CFAP206: variants seen among roughly 807,000 people sequenced by gnomAD.
CFAP206 encodes the protein cilia- and flagella-associated protein 206.
A neutral mutation model predicts 65.4 loss-of-function variants in CFAP206; 53 were observed. The observed-to-expected ratio is 0.81, with a 90% CI of 0.65 to 1.02. The LOEUF (loss-of-function observed/expected upper bound fraction) is 1.02, where lower values mean the gene tolerates loss of function less well. Ranked by LOEUF, CFAP206 falls within the 50% of genes least tolerant of loss-of-function variation. The probability of loss-of-function intolerance (pLI) is 0.00; values close to 1 mark genes in which losing one functional copy is unlikely to be tolerated. For synonymous variants in CFAP206, 250 were observed against 254.4 expected (o/e 0.98, Z 0.17); for missense variants, 663 against 753.2 (o/e 0.88, Z 1.40).
At chr6:87,431,940 A>G (rs547026596) in intron 10 of CFAP206, among the ~76,000 whole-genome samples, 2 of 152,304 alleles carry the variant, frequency 1.3e-5, no homozygotes, top group African/African-American at 2.4e-5. Flanking sequence ...GGAAATGGCT[A>G]ATATCAAGTA....
intron 11 of CFAP206, among the ~76,000 whole-genome samples, chr6:87,440,728 T>A (rs1463368820): frequency 6.6e-6 from 1 of 152,180 alleles, no homozygotes; most frequent in East Asian, 1.9e-4. Flanking sequence ...GTAAATTAGA[T>A]GTAAAATTCT....
At chr6:87,418,441 C>T (rs1460055246) in intron 7 of CFAP206, 25 bp downstream of exon 7, 4 of 1,590,122 alleles carry the variant, frequency 2.5e-6, no homozygotes, top group Non-Finnish European at 3.5e-6. Context: ...TAAGACCTGA[C>T]CTTTTCTATA....
chr6:87,450,475 ATG>A (rs55870560), intron 11 of CFAP206, among the ~76,000 whole-genome samples: 20,063 of 130,150 alleles, frequency 0.15, 1,488 homozygotes, highest in African/African-American at 0.18. Context: ...ATAAATGAAA[ATG>A]TGTGTGTGTG....
At position 87,428,818 on chromosome 6, in the gene CFAP206, C is replaced by A. The variant is rs1768103345; in HGVS notation, c.1153C>A (p.His385Asn). The change falls in exon 9 of 13, where the codon CAC (histidine) becomes AAC (asparagine). Residue 385 changes from histidine (H) to asparagine (N), a missense_variant. Coordinates refer to ENST00000369562, the MANE Select transcript of CFAP206 (RefSeq NM_001031743.3). Reference sequence around the variant, plus strand: ...AACTGATGTGTGTAGAATGAAAGAACACATGGGTAATGAAAATCATCCATT... The same window carrying A: ...AACTGATGTGTGTAGAATGAAAGAAAACATGGGTAATGAAAATCATCCATT... ...VKTDVCRMKEHMEDRVNVADF... is the reference protein window; with the variant it reads ...VKTDVCRMKENMEDRVNVADF... 1 of 1,613,002 alleles carries A rather than the reference C, an allele frequency of 6.2e-7. No homozygotes were observed. The highest frequency in any genetic ancestry group is 2.2e-5 in the East Asian group (1 of 44,854).
At chr6:87,454,879 A>T (rs1260871537) in intron 11 of CFAP206, among the ~76,000 whole-genome samples, 2 of 149,734 alleles carry the variant, frequency 1.3e-5, no homozygotes, top group African/African-American at 2.4e-5. Flanking sequence ...ACAACAAAAA[A>T]CCCTAAAAAT....
At chr6:87,443,597 TTGTA>T (rs1768389636) in intron 11 of CFAP206, among the ~76,000 whole-genome samples, 1 of 152,160 alleles carries the variant, frequency 6.6e-6, no homozygotes, top group Non-Finnish European at 1.5e-5. Context: ...ACTATGAGAG[TTGTA>T]TGTCACATAA....
chr6:87,427,982 C>CT (rs10693817), intron 8 of CFAP206, among the ~76,000 whole-genome samples: 18,763 of 93,998 alleles, frequency 0.2, 2,501 homozygotes, highest in African/African-American at 0.24. Context: ...CTCCACCCTC[C>CT]TTTTTTTTTT....
rs577203177 is a variant in CFAP206, at chr6:87,409,648, C to T, written c.-5-187C>T. Among the ~76,000 whole-genome samples, 4 of 151,442 alleles carry T rather than the reference C, an allele frequency of 2.6e-5. No homozygotes were observed. In the South Asian group the frequency reaches 8.3e-4, roughly 31 times the overall value. On this transcript the variant is annotated intron_variant, in intron 1 of 12. Coordinates refer to ENST00000369562, the MANE Select transcript of CFAP206 (RefSeq NM_001031743.3). ...TGAAATCCCAATCGTTGTCTGTCTTCAATAAAGTCCTTCATTTTTAAAAAT... is the reference window on the plus strand; with the variant it reads ...TGAAATCCCAATCGTTGTCTGTCTTTAATAAAGTCCTTCATTTTTAAAAAT...
Position 87,428,644 on chromosome 6 carries a change from T to C in CFAP206, c.979T>C (p.Ser327Pro), listed in dbSNP as rs1356392450. 6.2e-7 allele frequency: 1 copy of C among 1,614,046 alleles called. No individual in the cohort carries two copies. The highest frequency in any genetic ancestry group is 8.5e-7 in the Non-Finnish European group (1 of 1,180,032). The change falls in exon 9 of 13, where the codon TCT (serine) becomes CCT (proline). Residue 327 changes from serine to proline, a missense_variant. By Grantham distance (74) the Ser-to-Pro change is moderately conservative. Transcript: ENST00000369562. ...TCCTCAGCCTATCTTCATTGCACTT[T>C]CTACTCTGTGGACCAGCTTGCAAGA... ...SQVFPIFIAL[S>P]TLWTSLQDET... is the part of the protein sequence containing the mutation.
At chr6:87,454,837 T>G (rs1768606966) in intron 11 of CFAP206, among the ~76,000 whole-genome samples, 1 of 125,628 alleles carries the variant, frequency 8.0e-6, no homozygotes, top group South Asian at 2.9e-4. Context: ...AGAGTGAGAC[T>G]CTGTCTCAAA....
At chr6:87,434,221 G>A (rs1274330357) in intron 10 of CFAP206, among the ~76,000 whole-genome samples, 1 of 152,134 alleles carries the variant, frequency 6.6e-6, no homozygotes, top group Non-Finnish European at 1.5e-5. Flanking sequence ...GGGTGATGTG[G>A]TGAAACCCCA....
chr6:87,434,920 A>G lies in CFAP206; in HGVS notation c.1361A>G (p.Asp454Gly). 2.0e-6 allele frequency: 3 copies of G among 1,535,980 alleles called. No homozygotes were observed. The highest frequency in any genetic ancestry group is 2.3e-5 in the East Asian group (1 of 44,324). The part of the protein sequence containing the change: ...KEKYYTFNSK[D>G]AAYSFAENPE... Reference sequence around the variant, plus strand: ...AAATATTACACATTCAATAGTAAAGATGCTGCATATTCATTTGCAGAAAAT... The same window carrying G: ...AAATATTACACATTCAATAGTAAAGGTGCTGCATATTCATTTGCAGAAAAT... The change falls in exon 11 of 13, where the codon GAT becomes GGT. Residue 454 changes from aspartate (D) to glycine (G), a missense_variant. By Grantham distance (94) the Asp-to-Gly change is moderately conservative. Coordinates refer to ENST00000369562, the MANE Select transcript of CFAP206 (RefSeq NM_001031743.3).
Position 87,435,039 on chromosome 6 carries a change from A to G in CFAP206, c.1480A>G (p.Ile494Val). Reference sequence around the variant, plus strand: ...ACTTCATCAACAGTTTGAAACATTTATTCCATATTCTCAGGTAAGCAGGGT... The same window carrying G: ...ACTTCATCAACAGTTTGAAACATTTGTTCCATATTCTCAGGTAAGCAGGGT... Reference protein sequence around the residue: ...LELHQQFETFIPYSQMRDADK... With the variant: ...LELHQQFETFVPYSQMRDADK... Residue 494 changes from isoleucine to valine, a missense_variant, in exon 11 of 13, where the codon ATT (isoleucine) becomes GTT (valine). Physicochemically the swap from Ile to Val is conservative, Grantham distance 29. Coordinates refer to ENST00000369562, the MANE Select transcript of CFAP206 (RefSeq NM_001031743.3). The G allele has an allele frequency of 6.3e-7, 1 of 1,593,120 alleles. No individual in the cohort carries two copies. The highest frequency in any genetic ancestry group is 8.5e-7 in the Non-Finnish European group (1 of 1,169,606).
In CFAP206 at chr6:87,457,332, G is replaced by A. The variant is rs111930119; in HGVS notation, c.1495-3690G>A. On this transcript the variant is annotated intron_variant, in intron 11 of 12. Coordinates refer to ENST00000369562, the MANE Select transcript of CFAP206 (RefSeq NM_001031743.3). ...AAAAAATAACCTTACAACTTATATG[G>A]AACCACAAAAGACCCTGAATAGCCA... 6.4e-3 allele frequency among the ~76,000 whole-genome samples: 976 copies of A among 152,016 alleles called. 14 individuals are homozygous for A. The highest frequency in any genetic ancestry group is 0.022 in the African/African-American group (922 of 41,452).
intron 11 of CFAP206, 42 bp from the exon 12 acceptor site, chr6:87,460,954 ATATTTTAGTTATCAGTAAATAATGTT>A: frequency 7.2e-7 from 1 of 1,381,184 alleles, no homozygotes; most frequent in Non-Finnish European, 9.7e-7. Flanking sequence ...TTTTAGCTAA[ATATTTTAGTTATCAGTAAATAATGTT>A]TATTTTTTAC....
intron 3 of CFAP206, among the ~76,000 whole-genome samples, chr6:87,411,732 G>C (rs1342968756): frequency 5.3e-5 from 8 of 152,056 alleles, no homozygotes; most frequent in Admixed American, 2.0e-4. Flanking sequence ...TCTGCATATG[G>C]TAATCCAATT....
At chr6:87,434,167 C>T (rs943867146) in intron 10 of CFAP206, among the ~76,000 whole-genome samples, 4 of 151,882 alleles carry the variant, frequency 2.6e-5, no homozygotes, top group East Asian at 1.9e-4. Flanking sequence ...TTCGGGAGGC[C>T]GAAGTGAGCA....
chr6:87,412,139 G>A (rs760126392), intron 3 of CFAP206, among the ~76,000 whole-genome samples: 3 of 152,150 alleles, frequency 2.0e-5, no homozygotes, highest in Non-Finnish European at 4.4e-5. Flanking sequence ...CTTTTAGTAC[G>A]ACAGGTACAT....
At chr6:87,435,855 G>A (rs1041170135) in intron 11 of CFAP206, 1 of 151,842 alleles carries the variant, frequency 6.6e-6, no homozygotes, top group African/African-American at 2.4e-5. Context: ...TTGTAGAGAT[G>A]GGGTCTCGCC....
Sources: allele counts gnomAD v4.1 joint callset (sites outside exome capture counted in the v4.1 genomes callset), GRCh38; gene constraint gnomAD v4.1.1; transcripts MANE v1.5; gene names NCBI Gene and HGNC (gene_info 2026-07-23, HGNC 2026-07-21).